The following ZBBX variants were observed in gnomAD, a reference collection of about 807,000 sequenced individuals.
ZBBX encodes the protein zinc finger B-box domain containing.
In ZBBX, 101 loss-of-function variants were observed where a neutral mutation model predicts 108.5. That is an observed-to-expected ratio of 0.93 (90% CI 0.79 to 1.10). ZBBX has a LOEUF of 1.10. Ranked by LOEUF, ZBBX falls within the 50% of genes least tolerant of loss-of-function variation. The pLI is 0.00. For synonymous variants in ZBBX, 356 were observed against 323.4 expected (o/e 1.10, Z -1.08); for missense variants, 1,009 against 941.4 (o/e 1.07, Z -0.94).
At chr3:167,263,799 A>G (rs1049140829) in intron 20 of ZBBX, among the ~76,000 whole-genome samples, 1 of 152,234 alleles carries the variant, frequency 6.6e-6, no homozygotes, top group Non-Finnish European at 1.5e-5. Context: ...GATCTGCCCA[A>G]TGCAGAAAGT....
chr3:167,183,315 G>C, the ZBBX span, among the ~76,000 whole-genome samples: 2 of 152,098 alleles, frequency 1.3e-5, no homozygotes, highest in African/African-American at 4.8e-5. Context: ...CTCACCACAG[G>C]GATTGCTTAA....
At chr3:167,383,016 A>G (rs187815768), upstream of ZBBX, among the ~76,000 whole-genome samples, 2 of 152,148 alleles carry the variant, frequency 1.3e-5, no homozygotes, top group Non-Finnish European at 2.9e-5. Flanking sequence ...CAGCTTTACC[A>G]TTCTAATAAT....
chr3:167,367,842 T>C (rs1745554999), intron 5 of ZBBX, among the ~76,000 whole-genome samples: 1 of 150,734 alleles, frequency 6.6e-6, no homozygotes, highest in Non-Finnish European at 1.5e-5. Flanking sequence ...ACAAATTCAG[T>C]ATAATTAGTA....
At chr3:167,271,351 C>T (rs941184536) in intron 20 of ZBBX, among the ~76,000 whole-genome samples, 1 of 152,218 alleles carries the variant, frequency 6.6e-6, no homozygotes, top group Non-Finnish European at 1.5e-5. Context: ...GCTAGGGAAA[C>T]AACTTAGCAG....
chr3:167,317,689 G>T, intron 12 of ZBBX, 92 bp from the exon 13 acceptor site: 1 of 736,522 alleles, frequency 1.4e-6, no homozygotes, highest in South Asian at 2.0e-5. Flanking sequence ...AAATGAATGA[G>T]TATACAAAAT....
intron 2 of ZBBX, among the ~76,000 whole-genome samples, chr3:167,375,680 C>G (rs1746847294): frequency 6.6e-6 from 1 of 151,876 alleles, no homozygotes; most frequent in Non-Finnish European, 1.5e-5. Flanking sequence ...AATGATTGTG[C>G]AATAGGAGCA....
In ZBBX at chr3:167,242,599, C is replaced by T; in HGVS notation, c.2299G>A (p.Asp767Asn). ...ATATTCAGTGATTGGCTGCTGAAAT[C>T]TGGGAACTCTTCTGAGGTTAAGCTG... Reference protein sequence around the residue: ...LYSLTSEEFPDFSSQSLNISQ... With the variant: ...LYSLTSEEFPNFSSQSLNISQ... The change falls in exon 21 of 22, where the codon GAT (aspartate) becomes AAT (asparagine). Residue 767 changes from aspartate (D) to asparagine (N), a missense_variant. Physicochemically the swap from Asp to Asn is conservative, Grantham distance 23. Coordinates refer to ENST00000675490, the MANE Select transcript of ZBBX (RefSeq NM_001199201.2). The T allele has an allele frequency of 6.2e-7, 1 of 1,613,662 alleles. No homozygotes were observed.
At chr3:167,329,972 A>G (rs1738151941) in intron 10 of ZBBX, among the ~76,000 whole-genome samples, 1 of 152,254 alleles carries the variant, frequency 6.6e-6, no homozygotes, top group Non-Finnish European at 1.5e-5. Context: ...TAGGAGTTTC[A>G]GGATTTTATC....
intron 12 of ZBBX, among the ~76,000 whole-genome samples, chr3:167,318,925 T>C (rs1735925380): frequency 6.6e-6 from 1 of 151,866 alleles, no homozygotes; most frequent in East Asian, 1.9e-4. Flanking sequence ...TATTAAAATG[T>C]CAAACAAAAG....
At position 167,391,737 on chromosome 3, in the gene ZBBX, T is replaced by A. The variant is rs535422036; in HGVS notation, c.-445-11332A>T. Among the ~76,000 whole-genome samples, 8 of 152,004 alleles carry A rather than the reference T, an allele frequency of 5.3e-5. No individual in the cohort carries two copies. The East Asian group carries it at 1.4e-3, about 26-fold the overall frequency. Reference sequence around the variant, plus strand: ...TCTTTTCATCAAATTTATTCAGATATATATACTTTACATACAATAAATCAC... The same window carrying A: ...TCTTTTCATCAAATTTATTCAGATAAATATACTTTACATACAATAAATCAC... On this transcript the variant is annotated intron_variant, in intron 1 of 21. Coordinates refer to the ZBBX transcript ENST00000455345.
At chr3:167,363,879 C>T (rs1488476188) in intron 6 of ZBBX, among the ~76,000 whole-genome samples, 4 of 151,936 alleles carry the variant, frequency 2.6e-5, no homozygotes, top group African/African-American at 9.6e-5. Context: ...TTTCATTATC[C>T]AGAAATAGAC....
intron 20 of ZBBX, among the ~76,000 whole-genome samples, chr3:167,253,834 A>C (rs1367361388): frequency 1.3e-5 from 2 of 152,188 alleles, no homozygotes; most frequent in African/African-American, 4.8e-5. Flanking sequence ...AAAATAAAAA[A>C]CATAAAATTT....
intron 7 of ZBBX, 96 bp downstream of exon 7, chr3:167,360,579 G>C: frequency 1.4e-6 from 1 of 690,716 alleles, no homozygotes. Context: ...TCTTTATACT[G>C]CCCGGACAAT....
rs1487751934 is a variant in ZBBX, at chr3:167,315,783, T to A, written c.1241A>T (p.Lys414Ile). 5 of 1,608,016 alleles carry A rather than the reference T, an allele frequency of 3.1e-6. No individual in the cohort carries two copies. The African/African-American group carries it at 6.7e-5, about 21-fold the overall frequency. Residue 414 changes from lysine (K) to isoleucine (I), a missense_variant, in exon 15 of 22, where the codon AAA becomes ATA. Lys to Ile is a moderately radical substitution (Grantham distance 102). Transcript: ENST00000675490. ...FEEAENIVPY[K>I]VKLADADSQR... Reference sequence around the variant, plus strand: ...ACTGTCTGCATCAGCTAATTTAACTTTGTAAGGCACAATATTTTCTGCTTC... The same window carrying A: ...ACTGTCTGCATCAGCTAATTTAACTATGTAAGGCACAATATTTTCTGCTTC...
intron 8 of ZBBX, among the ~76,000 whole-genome samples, chr3:167,354,839 T>C (rs1417249525): frequency 2.0e-5 from 3 of 151,958 alleles, no homozygotes; most frequent in African/African-American, 7.2e-5. Flanking sequence ...ATACTTTTAG[T>C]AAAAGTAGCC....
the ZBBX span, among the ~76,000 whole-genome samples, chr3:167,182,027 C>A: frequency 8.5e-5 from 13 of 152,182 alleles, no homozygotes; most frequent in African/African-American, 2.9e-4. Context: ...CTTAGAGTGA[C>A]ACTGATTAGC....
intron 6 of ZBBX, among the ~76,000 whole-genome samples, chr3:167,362,297 G>C (rs1744651499): frequency 6.6e-6 from 1 of 152,068 alleles, no homozygotes; most frequent in African/African-American, 2.4e-5. Flanking sequence ...TCCTCCACCA[G>C]TAGGTATTGA....
intron 20 of ZBBX, among the ~76,000 whole-genome samples, chr3:167,276,983 C>G (rs1025723022): frequency 3.9e-5 from 6 of 152,010 alleles, no homozygotes; most frequent in South Asian, 2.1e-4. Context: ...AATTTCATAT[C>G]CAGCCAAACT....
chr3:167,289,719 C>T (rs1272445468), intron 18 of ZBBX, among the ~76,000 whole-genome samples: 1 of 152,144 alleles, frequency 6.6e-6, no homozygotes, highest in East Asian at 1.9e-4. Flanking sequence ...TTTCTCATAC[C>T]CGAGTGGCAC....
Sources: allele counts gnomAD v4.1 joint callset (sites outside exome capture counted in the v4.1 genomes callset), GRCh38; gene constraint gnomAD v4.1.1; transcripts MANE v1.5; gene names NCBI Gene and HGNC (gene_info 2026-07-23, HGNC 2026-07-21).